Variants in ENOSF1 observed in about 807,000 individuals in gnomAD.
ENOSF1 encodes mitochondrial enolase superfamily member 1.
In ENOSF1, 73 loss-of-function variants were observed where a neutral mutation model predicts 68.2. That is an observed-to-expected ratio of 1.07 (90% confidence interval 0.89 to 1.30). The LOEUF is 1.30. Among genes scored for constraint, ENOSF1 ranks in the 50% most tolerant of loss-of-function variants. ENOSF1 has a pLI of 0.00. For synonymous variants in ENOSF1, 223 were observed against 210.4 expected, an observed-to-expected ratio of 1.06 and a Z score of -0.52; for missense variants, 589 against 554.5, an observed-to-expected ratio of 1.06 and a Z score of -0.62.
chr18:678,547 TAAAATGACCCAGTTTCTAAGATGATG>T, intron 12 of ENOSF1, 123 bp downstream of exon 12: 2 of 768,112 alleles, frequency 2.6e-6, no homozygotes, highest in South Asian at 3.4e-5. Context: ...TAGACTCTGA[TAAAATGACCCAGTTTCTAAGATGATG>T]AAAATTTCCC....
chr18:693,998 G>T, intron 4 of ENOSF1, 90 bp from the exon 5 acceptor site: 1 of 1,434,620 alleles, frequency 7.0e-7, no homozygotes, highest in South Asian at 1.2e-5. Flanking sequence ...TCTAATGCTG[G>T]CTGTCAGCCA....
chr18:678,760 G>T (rs764296210), intron 11 of ENOSF1, 23 bp from the exon 12 acceptor site: 1 of 1,613,722 alleles, frequency 6.2e-7, no homozygotes, highest in African/African-American at 1.3e-5. Flanking sequence ...AGGCAGCCTG[G>T]TGTTATTTTC....
chr18:678,847 T>C (rs2606246), intron 11 of ENOSF1, 110 bp from the exon 12 acceptor site: 244,920 of 1,158,666 alleles, frequency 0.21, 29,075 homozygotes, highest in Admixed American at 0.27. Flanking sequence ...TGTTAAGCCA[T>C]GTGAAGGCTC....
chr18:673,379 A>C lies in ENOSF1; in HGVS notation c.*926T>G, dbSNP rs913035473. The C allele has an allele frequency of 2.6e-5, 6 of 227,056 alleles. No homozygotes were observed. Among genetic ancestry groups the C allele is most frequent in the Non-Finnish European group, 5.3e-5 (6 of 113,898 alleles). 14.1% of individuals were successfully genotyped at this position (227,056 alleles called of 1,614,324 possible). On this transcript the variant is annotated 3_prime_UTR_variant, in exon 16 of 16. Coordinates refer to ENST00000647584, the MANE Select transcript of ENOSF1 (RefSeq NM_017512.7). ...GAATATTTTAAGAATTTCACAAGCT[A>C]TTCCCTCAAATCTGAGGGAGCTGAG...
chr18:677,766 A>T lies in ENOSF1; in HGVS notation c.1025T>A (p.Leu342Ter). Residue 342 changes from leucine (L) to a stop codon, truncating the protein, a stop_gained, in exon 13 of 16, where the codon TTG becomes TAG. Coordinates refer to ENST00000647584, the MANE Select transcript of ENOSF1 (RefSeq NM_017512.7). LOFTEE classifies it high-confidence loss of function. ...ACTTTCAAACTTTTTGGCCATCAGC[A>T]ATACTGAGAGGTTCTCATTGACACT... Reference protein sequence around the residue: ...LGSVNENLSVLLMAKKFEIPV... With the variant: ...LGSVNENLSV 6.2e-7 allele frequency: 1 copy of T among 1,613,806 alleles called. No individual in the cohort carries two copies. The highest frequency in any genetic ancestry group is 8.5e-7 in the Non-Finnish European group (1 of 1,179,932).
chr18:693,143 G>A (rs2145097498), intron 5 of ENOSF1: 1 of 1,289,038 alleles, frequency 7.8e-7, no homozygotes, highest in Non-Finnish European at 1.0e-6. Flanking sequence ...AATTTGCCCA[G>A]TTTTTTCCTC....
the ENOSF1 span, among the ~76,000 whole-genome samples, chr18:663,539 T>G: frequency 2.3e-5 from 2 of 87,284 alleles, 1 homozygote; most frequent in African/African-American, 1.6e-4. Flanking sequence ...CATTTGTCAA[T>G]TTTGTCTTTT....
At chr18:690,502 G>T in intron 8 of ENOSF1, 47 bp downstream of exon 8, 1 of 1,595,118 alleles carries the variant, frequency 6.3e-7, no homozygotes, top group Non-Finnish European at 8.6e-7. Flanking sequence ...AAAACAGGTT[G>T]GTTTCTCCCC....
At position 672,702 on chromosome 18, in the gene ENOSF1, A is replaced by G; in HGVS notation, c.*1603T>C. The G allele has an allele frequency of 1.4e-6, 1 of 730,590 alleles. No individual in the cohort carries two copies. Among genetic ancestry groups the G allele is most frequent in the Non-Finnish European group, 2.1e-6 (1 of 473,934 alleles). The allele number at this position is 730,590 out of a possible 1,614,324, so 45.3% of individuals were successfully genotyped here. A position where few individuals can be genotyped will look rare whatever the true frequency, so the allele number is the denominator to read the frequency against. On this transcript the variant is annotated 3_prime_UTR_variant, in exon 16 of 16. Transcript: ENST00000647584. ...CAAGAGAACAGCTGGTTGCGCTCCA[A>G]TCATGTTACATAACCTACGGCAAGG... is the stretch of plus-strand genomic sequence containing the variant.
At chr18:701,387 G>A (rs931148012) in intron 2 of ENOSF1, among the ~76,000 whole-genome samples, 2 of 151,790 alleles carry the variant, frequency 1.3e-5, no homozygotes, top group Non-Finnish European at 2.9e-5. Context: ...GGGGACAGGG[G>A]TATGTGGGAA....
intron 3 of ENOSF1, among the ~76,000 whole-genome samples, chr18:695,119 G>A (rs1255607023): frequency 6.6e-5 from 10 of 152,070 alleles, no homozygotes; most frequent in African/African-American, 1.4e-4. Context: ...CTGGGATCAC[G>A]TATTACATTT....
Position 671,644 on chromosome 18 carries a change from T to A in ENOSF1, c.*2661A>T, listed in dbSNP as rs2075055224. 4.9e-6 allele frequency: 3 copies of A among 614,658 alleles called. No individual in the cohort carries two copies. Among genetic ancestry groups the A allele is most frequent in the Non-Finnish European group, 8.6e-6 (3 of 349,786 alleles). 38.1% of individuals were successfully genotyped at this position (614,658 alleles called of 1,614,324 possible). A position where few individuals can be genotyped will look rare whatever the true frequency, so the allele number is the denominator to read the frequency against. On this transcript the variant is annotated 3_prime_UTR_variant, in exon 16 of 16. Transcript: ENST00000647584. ...ATCTGCCTCAGCAACCATGGGCACT[T>A]AACATGTCAGGTGCTGTGAGGTACT...
intron 1 of ENOSF1, among the ~76,000 whole-genome samples, chr18:708,152 C>T (rs997951996): frequency 7.9e-5 from 12 of 152,022 alleles, no homozygotes; most frequent in South Asian, 2.1e-4. Flanking sequence ...TGAGCCACCA[C>T]GCCCGGCCAC....
At chr18:670,023 C>G, downstream of ENOSF1, among the ~76,000 whole-genome samples, 1 of 149,396 alleles carries the variant, frequency 6.7e-6, no homozygotes. Context: ...GAGTGAAATA[C>G]TTGCATCTGT....
chr18:686,081 AAG>A (rs2076588038), intron 9 of ENOSF1, 73 bp from the exon 10 acceptor site: 1 of 1,028,204 alleles, frequency 9.7e-7, no homozygotes, highest in Admixed American at 1.7e-5. Context: ...GTTTCTGCAG[AAG>A]TGACCGTCTC....
At position 670,662 on chromosome 18, in the gene ENOSF1, C is replaced by T. The variant is rs1174589850; in HGVS notation, c.*3643G>A. 6.2e-7 allele frequency: 1 copy of T among 1,609,070 alleles called. No homozygotes were observed. Among genetic ancestry groups the T allele is most frequent in the Admixed American group, 1.7e-5 (1 of 59,474 alleles). On this transcript the variant is annotated 3_prime_UTR_variant, in exon 16 of 16. Coordinates refer to ENST00000647584, the MANE Select transcript of ENOSF1 (RefSeq NM_017512.7). ...AGCTGTGGTCTTTCAAACCACCATC[C>T]CTCCTTATCTTCCTCTGCTGGTTCC...
At position 712,620 on chromosome 18, in the gene ENOSF1, C is replaced by A; in HGVS notation, c.-33G>T. On this transcript the variant is annotated 5_prime_UTR_variant, in exon 1 of 16. Coordinates refer to ENST00000647584, the MANE Select transcript of ENOSF1 (RefSeq NM_017512.7). ...GCGCCCCGTGGCCGCGGCCCCCGTG[C>A]GGTCAGGACTGGTCGGGATCCCGAG... 1 of 1,271,844 alleles carries A rather than the reference C, an allele frequency of 7.9e-7. No individual in the cohort carries two copies. Among genetic ancestry groups the A allele is most frequent in the Non-Finnish European group, 1.0e-6 (1 of 978,222 alleles). 78.8% of individuals were successfully genotyped at this position (1,271,844 alleles called of 1,614,324 possible).
At chr18:700,901 A>C (rs2078270388) in intron 2 of ENOSF1, among the ~76,000 whole-genome samples, 1 of 151,100 alleles carries the variant, frequency 6.6e-6, no homozygotes, top group Non-Finnish European at 1.5e-5. Flanking sequence ...AAAAAAAAAA[A>C]AAAAAAAAAA....
intron 10 of ENOSF1, among the ~76,000 whole-genome samples, chr18:684,250 C>T (rs1275971897): frequency 6.6e-6 from 1 of 152,130 alleles, no homozygotes; most frequent in Admixed American, 6.5e-5. Context: ...CCGCCTCGGC[C>T]TCCCAAAGTG....
Sources: gnomAD v4.1 joint callset for allele counts (sites outside exome capture counted in the v4.1 genomes callset) on GRCh38, gnomAD v4.1.1 for gene constraint, MANE v1.5 for transcripts, NCBI Gene and HGNC (gene_info 2026-07-23, HGNC 2026-07-21) for gene names.